LCORL: variants seen among roughly 807,000 people sequenced by gnomAD.
LCORL encodes ligand dependent nuclear receptor corepressor like.
LCORL carries 41 observed loss-of-function variants against 141.8 expected under a neutral mutation model. The ratio of observed to expected loss-of-function variants is 0.29; its 90% CI spans 0.23 to 0.38. The LOEUF (loss-of-function observed/expected upper bound fraction) is 0.38, where lower values mean the gene tolerates loss of function less well. Ranked by LOEUF, LCORL falls within the 10% of genes least tolerant of loss-of-function variation. The probability of loss-of-function intolerance (pLI) is 1.00; values close to 1 mark genes in which losing one functional copy is unlikely to be tolerated. For missense variants in LCORL, 1,759 were observed against 2,035.0 expected (o/e 0.86, Z 2.61); for synonymous variants, 618 against 694.1 (o/e 0.89, Z 1.72).
exon 7 of LCORL, chr4:17,875,466 TCAC>T: frequency 8.1e-7 from 1 of 1,231,476 alleles, no homozygotes; most frequent in Non-Finnish European, 1.0e-6. Context: ...AGTTGGAAAA[TCAC>T]CAGCATTATT....
intron 7 of LCORL, among the ~76,000 whole-genome samples, chr4:17,868,640 C>T (rs1725957936): frequency 6.6e-6 from 1 of 152,158 alleles, no homozygotes; most frequent in Non-Finnish European, 1.5e-5. Context: ...TGACCTTTCA[C>T]ACATCACATT....
At chr4:17,879,495 T>A (rs548746157) in intron 6 of LCORL, among the ~76,000 whole-genome samples, 16 of 151,178 alleles carry the variant, frequency 1.1e-4, no homozygotes, top group Admixed American at 9.3e-4. Context: ...ACTTTTAAAG[T>A]CACTGCCGCC....
At chr4:17,914,154 C>G (rs1733010228) in intron 4 of LCORL, among the ~76,000 whole-genome samples, 1 of 152,136 alleles carries the variant, frequency 6.6e-6, no homozygotes, top group Admixed American at 6.5e-5. Flanking sequence ...GAAAGGATTT[C>G]AAAGATATAC....
intron 4 of LCORL, among the ~76,000 whole-genome samples, chr4:17,910,274 G>A (rs1200287012): frequency 6.6e-6 from 1 of 152,138 alleles, no homozygotes; most frequent in African/African-American, 2.4e-5. Flanking sequence ...TGGGGGTGGT[G>A]GCTTTTACAC....
At chr4:17,848,019 AGAG>A (rs1473666929) in intron 7 of LCORL, among the ~76,000 whole-genome samples, 1 of 152,252 alleles carries the variant, frequency 6.6e-6, no homozygotes, top group Non-Finnish European at 1.5e-5. Flanking sequence ...TGTTTTCACC[AGAG>A]AAGAATACTT....
chr4:17,847,931 A>C (rs1410821797), intron 7 of LCORL, among the ~76,000 whole-genome samples: 1 of 152,224 alleles, frequency 6.6e-6, no homozygotes, highest in Non-Finnish European at 1.5e-5. Flanking sequence ...AACTCCAAAA[A>C]ATAAAATGAA....
chr4:17,926,299 C>T (rs1404077462), intron 4 of LCORL, among the ~76,000 whole-genome samples: 1 of 149,582 alleles, frequency 6.7e-6, no homozygotes, highest in Non-Finnish European at 1.5e-5. Flanking sequence ...GAGGTAGATC[C>T]ACCCTCAATC....
intron 4 of LCORL, among the ~76,000 whole-genome samples, chr4:17,924,571 T>C (rs1486653894): frequency 2.0e-5 from 3 of 152,190 alleles, no homozygotes; most frequent in Admixed American, 1.3e-4. Flanking sequence ...CTCACTGGAA[T>C]AGACACTTAC....
intron 7 of LCORL, among the ~76,000 whole-genome samples, chr4:17,853,490 C>G (rs1456807938): frequency 6.6e-6 from 1 of 152,086 alleles, no homozygotes; most frequent in African/African-American, 2.4e-5. Flanking sequence ...TGAGAGCTAA[C>G]AGAGTATTCT....
intron 5 of LCORL, among the ~76,000 whole-genome samples, chr4:17,898,026 A>G (rs1730262272): frequency 6.6e-6 from 1 of 152,204 alleles, no homozygotes; most frequent in Non-Finnish European, 1.5e-5. Flanking sequence ...CACATGTAAT[A>G]TAAGGTTTTT....
intron 7 of LCORL, among the ~76,000 whole-genome samples, chr4:17,846,927 G>A (rs1723005085): frequency 6.6e-6 from 1 of 152,138 alleles, no homozygotes; most frequent in Non-Finnish European, 1.5e-5. Flanking sequence ...AGATCAGAAG[G>A]AAAGGATGGT....
At chr4:17,880,614 TTC>T in intron 6 of LCORL, 2 of 981,942 alleles carry the variant, frequency 2.0e-6, no homozygotes, top group Non-Finnish European at 2.4e-6. Context: ...TTCTTTTCTT[TTC>T]TTTTTTTCTT....
chr4:18,007,236 A>G (rs989969598), intron 1 of LCORL, among the ~76,000 whole-genome samples: 1 of 152,240 alleles, frequency 6.6e-6, no homozygotes, highest in East Asian at 1.9e-4. Flanking sequence ...TCTATAAAGT[A>G]GGATGAAAAA....
At chr4:17,854,798 T>C (rs1461048369) in intron 7 of LCORL, among the ~76,000 whole-genome samples, 1 of 152,220 alleles carries the variant, frequency 6.6e-6, no homozygotes. Context: ...ACTTTTTCTC[T>C]ACTTGCTTGT....
chr4:18,005,884 T>C (rs1242066583), intron 1 of LCORL, among the ~76,000 whole-genome samples: 2 of 152,206 alleles, frequency 1.3e-5, no homozygotes, highest in Admixed American at 1.3e-4. Context: ...CGTGAAGACC[T>C]CTGACATGCC....
chr4:17,909,562 T>G (rs1443116454), intron 4 of LCORL, among the ~76,000 whole-genome samples: 1 of 152,122 alleles, frequency 6.6e-6, no homozygotes, highest in Non-Finnish European at 1.5e-5. Context: ...AATTACTTCT[T>G]ACAATTAAAC....
chr4:17,927,317 G>T (rs189922623), intron 4 of LCORL, among the ~76,000 whole-genome samples: 2 of 152,078 alleles, frequency 1.3e-5, no homozygotes, highest in Non-Finnish European at 2.9e-5. Context: ...TGTCATGGCC[G>T]GTTTGGTCTT....
intron 7 of LCORL, among the ~76,000 whole-genome samples, chr4:17,847,610 T>C (rs1330174001): frequency 2.6e-5 from 4 of 152,170 alleles, no homozygotes; most frequent in African/African-American, 4.8e-5. Context: ...AAAAATAATA[T>C]AATTAAAGTA....
intron 4 of LCORL, among the ~76,000 whole-genome samples, chr4:17,959,378 T>A (rs1577550977): frequency 2.0e-5 from 3 of 152,194 alleles, no homozygotes; most frequent in East Asian, 3.9e-4. Context: ...TTTTTTGAAC[T>A]TCTTCTGGAC....
Sources: gnomAD v4.1 joint callset for allele counts (sites outside exome capture counted in the v4.1 genomes callset) on GRCh38, gnomAD v4.1.1 for gene constraint, MANE v1.5 for transcripts, NCBI Gene and HGNC (gene_info 2026-07-23, HGNC 2026-07-21) for gene names.